Variants in SEL1L2 observed in about 807,000 individuals in gnomAD.
The protein encoded by SEL1L2 is protein sel-1 homolog 2.
SEL1L2 carries 89 observed loss-of-function variants against 98.8 expected under a neutral mutation model. That is an observed-to-expected ratio of 0.90 (90% CI 0.76 to 1.07). The LOEUF is 1.07. Among genes scored for constraint, SEL1L2 ranks in the 50% least tolerant of loss-of-function variants. SEL1L2 has a pLI of 0.00. For synonymous variants in SEL1L2, 262 were observed against 278.5 expected (o/e 0.94, Z 0.59); for missense variants, 788 against 812.0 (o/e 0.97, Z 0.36).
Position 13,990,380 on chromosome 20 carries a change from A to T in SEL1L2, c.58+97T>A, listed in dbSNP as rs1441147113. On this transcript the variant is annotated intron_variant, in intron 1 of 19. Transcript: ENST00000284951. ...AATGGCATTAGTTAGGGATATAGTA[A>T]AGTTACTTCTAGTCTTTTAATTGGC... The T allele has an allele frequency of 6.2e-6, 5 of 809,536 alleles. No individual in the cohort carries two copies. The African/African-American group carries it at 7.0e-5, about 11-fold the overall frequency. The allele number at this position is 809,536 out of a possible 1,614,324, so 50.1% of individuals were successfully genotyped here.
At chr20:13,896,517 C>A (rs6042422) in intron 5 of SEL1L2, among the ~76,000 whole-genome samples, 140,022 of 147,712 alleles carry the variant, frequency 0.95, 66,709 homozygotes, top group South Asian at 0.99. Flanking sequence ...CCCCCCCCCC[C>A]CACACACAAA....
At chr20:13,889,275 C>T (rs2047102033) in intron 5 of SEL1L2, among the ~76,000 whole-genome samples, 1 of 152,014 alleles carries the variant, frequency 6.6e-6, no homozygotes, top group African/African-American at 2.4e-5. Context: ...CGTGAGCCAC[C>T]ACGCCTGGCC....
At chr20:13,882,078 T>C (rs1280654666) in intron 10 of SEL1L2, among the ~76,000 whole-genome samples, 1 of 152,110 alleles carries the variant, frequency 6.6e-6, no homozygotes, top group Non-Finnish European at 1.5e-5. Flanking sequence ...CATCACATTG[T>C]ATCCCATAAA....
intron 14 of SEL1L2, among the ~76,000 whole-genome samples, chr20:13,867,659 C>A (rs1319618912): frequency 6.6e-6 from 1 of 151,884 alleles, no homozygotes; most frequent in Non-Finnish European, 1.5e-5. Context: ...TGTGGGATAC[C>A]CGGTAGATGT....
intron 5 of SEL1L2, among the ~76,000 whole-genome samples, chr20:13,911,047 T>C (rs1052049065): frequency 1.3e-5 from 2 of 152,250 alleles, no homozygotes; most frequent in Non-Finnish European, 2.9e-5. Context: ...TCTTTGTTAT[T>C]TCCTTTATCC....
At chr20:13,864,176 C>T (rs1248829955) in intron 17 of SEL1L2, among the ~76,000 whole-genome samples, 1 of 152,044 alleles carries the variant, frequency 6.6e-6, no homozygotes, top group Non-Finnish European at 1.5e-5. Context: ...GTCTTCATTG[C>T]ATTTTATAAA....
intron 18 of SEL1L2, chr20:13,851,496 A>G (rs1183906888): frequency 2.0e-5 from 3 of 151,962 alleles, no homozygotes; most frequent in African/African-American, 4.8e-5. Context: ...TTTGGCTCTC[A>G]TGTTGAAGAC....
chr20:13,884,667 C>T (rs2046868435), intron 10 of SEL1L2, among the ~76,000 whole-genome samples: 1 of 151,870 alleles, frequency 6.6e-6, no homozygotes, highest in African/African-American at 2.4e-5. Context: ...GCCACCACGC[C>T]CGGCTAATTT....
chr20:13,963,331 T>C (rs761575493), intron 1 of SEL1L2, among the ~76,000 whole-genome samples: 3 of 150,252 alleles, frequency 2.0e-5, no homozygotes, highest in Non-Finnish European at 4.4e-5. Flanking sequence ...TTCTCTCTTA[T>C]ATTCTTTCTC....
intron 1 of SEL1L2, among the ~76,000 whole-genome samples, chr20:13,970,116 A>C (rs1326488456): frequency 6.6e-6 from 1 of 152,020 alleles, no homozygotes; most frequent in African/African-American, 2.4e-5. Flanking sequence ...ATTATAACAC[A>C]GCATGTCATT....
In SEL1L2 at chr20:13,919,018, TACTC is replaced by T; in HGVS notation, c.385_386+2del. On this transcript the variant is annotated splice_donor_variant and coding_sequence_variant, in exon 4 of 20. Transcript: ENST00000284951. LOFTEE classifies it high-confidence loss of function. ...TGGCTAAGGTCACTGGATAAAGACT[TACTC>T]TTCTTTTTGTTTTTGGCTTTTAGAC... 2 of 1,598,526 alleles carry T rather than the reference TACTC, an allele frequency of 1.3e-6. No homozygotes were observed. Among genetic ancestry groups the T allele is most frequent in the African/African-American group, 1.3e-5 (1 of 74,510 alleles).
Position 13,849,569 on chromosome 20 carries a change from G to A in SEL1L2, c.1983C>T (p.Asn661=). The change falls in exon 20 of 20, where the codon AAC becomes AAT. Residue 661 remains asparagine, a synonymous_variant. Coordinates refer to ENST00000284951, the MANE Select transcript of SEL1L2 (RefSeq NM_025229.2). ...ATAAGTCCCAGTGTGGTCCAATGGT[G>A]TTGTCCAGTTTCAGCCAGTTCCATC... ...TTRWNWLKLD[N]TIGPHWDLFV... The A allele has an allele frequency of 6.2e-7, 1 of 1,614,070 alleles. No homozygotes were observed. Among genetic ancestry groups the A allele is most frequent in the Non-Finnish European group, 8.5e-7 (1 of 1,179,956 alleles).
At chr20:13,854,294 C>G (rs1988785228) in intron 18 of SEL1L2, among the ~76,000 whole-genome samples, 1 of 152,112 alleles carries the variant, frequency 6.6e-6, no homozygotes, top group African/African-American at 2.4e-5. Context: ...AGGATAATTT[C>G]CCCCACCTTT....
chr20:13,945,955 A>T (rs2049987255), intron 2 of SEL1L2, among the ~76,000 whole-genome samples: 1 of 152,134 alleles, frequency 6.6e-6, no homozygotes, highest in South Asian at 2.1e-4. Context: ...ATAAATAAAG[A>T]CCATATATGA....
intron 3 of SEL1L2, among the ~76,000 whole-genome samples, chr20:13,922,287 A>G (rs950202557): frequency 3.3e-5 from 5 of 152,210 alleles, no homozygotes; most frequent in South Asian, 2.1e-4. Context: ...ATGTTTGACA[A>G]TGATCTGGAG....
At chr20:13,926,143 C>T (rs1304010809) in intron 3 of SEL1L2, among the ~76,000 whole-genome samples, 1 of 152,068 alleles carries the variant, frequency 6.6e-6, no homozygotes, top group Non-Finnish European at 1.5e-5. Context: ...ACGGTGAAAC[C>T]GTCTCTCCTA....
At chr20:13,877,444 G>T in intron 11 of SEL1L2, 76 bp downstream of exon 11, 2 of 1,155,662 alleles carry the variant, frequency 1.7e-6, no homozygotes. Flanking sequence ...GGGACAACAG[G>T]CACACGCTGC....
chr20:13,937,528 G>T (rs1338505301), intron 2 of SEL1L2, among the ~76,000 whole-genome samples: 1 of 151,976 alleles, frequency 6.6e-6, no homozygotes, highest in African/African-American at 2.4e-5. Context: ...TTTTCCTTTT[G>T]GCCCAATAAA....
At chr20:13,872,345 G>A (rs541273791) in intron 12 of SEL1L2, among the ~76,000 whole-genome samples, 2 of 152,288 alleles carry the variant, frequency 1.3e-5, no homozygotes, top group Admixed American at 1.3e-4. Flanking sequence ...GGTTACCCCC[G>A]TGCTGCTGTT....
Sources: gnomAD v4.1 joint callset for allele counts (sites outside exome capture counted in the v4.1 genomes callset) on GRCh38, gnomAD v4.1.1 for gene constraint, MANE v1.5 for transcripts, NCBI Gene and HGNC (gene_info 2026-07-23, HGNC 2026-07-21) for gene names.